The following ABHD16A variants were observed in gnomAD, a reference collection of about 807,000 sequenced individuals.
ABHD16A encodes the protein abhydrolase domain containing 16A, phospholipase.
Under a neutral mutation model 89.8 loss-of-function variants are expected in ABHD16A, and 47 were observed. That is an observed-to-expected ratio of 0.52 (90% CI 0.41 to 0.67). The LOEUF is 0.67. ABHD16A is among the 30% of genes least tolerant of loss of function. ABHD16A has a pLI of 0.00. For missense variants in ABHD16A, 580 were observed against 734.6 expected (o/e 0.79, Z 2.43); for synonymous variants, 251 against 280.4 (o/e 0.90, Z 1.05).
chr6:31,691,471 T>C (rs1245572129), intron 9 of ABHD16A, 108 bp downstream of exon 9: 1 of 925,522 alleles, frequency 1.1e-6, no homozygotes, highest in African/African-American at 1.6e-5. Context: ...GACATGAGAT[T>C]ATCCCCAGTA....
chr6:31,690,029 G>A lies in ABHD16A; in HGVS notation c.957+49C>T. On this transcript the variant is annotated intron_variant, in intron 11 of 19. Transcript: ENST00000395952. The surrounding 1 kb of genome is among the most constrained non-coding windows in gnomAD (Gnocchi z 4.1). The stretch of plus-strand genomic sequence containing the variant: ...CCTCCCTCCAATGGCTGACCAGAGG[G>A]AAACAGACATAATTCAGGAAAAGGA... 3.9e-6 allele frequency: 6 copies of A among 1,534,580 alleles called. No homozygotes were observed. The highest frequency in any genetic ancestry group is 5.3e-6 in the Non-Finnish European group (6 of 1,138,312).
At position 31,703,305 on chromosome 6, in the gene ABHD16A, TTCC is replaced by T; in HGVS notation, c.-27_-25del. 7.5e-7 allele frequency: 1 copy of T among 1,338,592 alleles called. No individual in the cohort carries two copies. Among genetic ancestry groups the T allele is most frequent in the East Asian group, 2.8e-5 (1 of 35,514 alleles). The allele number at this position is 1,338,592 out of a possible 1,614,324, so 82.9% of individuals were successfully genotyped here. A position where few individuals can be genotyped will look rare whatever the true frequency, so the allele number is the denominator to read the frequency against. ...ATGGCCCCGGCTCGGGCCGCTGCTC[TTCC>T]AGCAGCAGGTCCCCCTGCCGGCCCC... On this transcript the variant is annotated 5_prime_UTR_variant, in exon 1 of 20. Coordinates refer to ENST00000395952, the MANE Select transcript of ABHD16A (RefSeq NM_021160.3).
chr6:31,687,575 C>A lies in ABHD16A; in HGVS notation c.1547-31G>T. 1 of 1,613,066 alleles carries A rather than the reference C, an allele frequency of 6.2e-7. No homozygotes were observed. Among genetic ancestry groups the A allele is most frequent in the Non-Finnish European group, 8.5e-7 (1 of 1,180,016 alleles). On this transcript the variant is annotated intron_variant, in intron 18 of 19. Coordinates refer to ENST00000395952, the MANE Select transcript of ABHD16A (RefSeq NM_021160.3). The surrounding 1 kb of genome is among the most constrained non-coding windows in gnomAD (Gnocchi z 6.3). ...GAGAGGAGGCGCTCAAAATAGGCCA[C>A]ACATCTGGGTATTCATCCCCTTCCT...
rs762533411 is a variant in ABHD16A at position 31,701,030 on chromosome 6, T to C, written c.257-2A>G. ...CCACTTTGGACAAACTCAAGTAACCTGGGAAGGGAGAGGGACAATGTGAGA... is the reference window on the plus strand; with the variant it reads ...CCACTTTGGACAAACTCAAGTAACCCGGGAAGGGAGAGGGACAATGTGAGA... On this transcript the variant is annotated splice_acceptor_variant, in intron 3 of 19. Coordinates refer to ENST00000395952, the MANE Select transcript of ABHD16A (RefSeq NM_021160.3). LOFTEE classifies it high-confidence loss of function. 1 of 1,611,930 alleles carries C rather than the reference T, an allele frequency of 6.2e-7. No homozygotes were observed. Among genetic ancestry groups the C allele is most frequent in the Non-Finnish European group, 8.5e-7 (1 of 1,178,184 alleles).
Position 31,688,122 on chromosome 6 carries a change from T to C in ABHD16A, c.1308-19A>G. Reference sequence around the variant, plus strand: ...AGGAACCCTGGGGGTGAGAAGAATGTACCCTGGAGGGGCTGGAGGTTAGGA... The same window carrying C: ...AGGAACCCTGGGGGTGAGAAGAATGCACCCTGGAGGGGCTGGAGGTTAGGA... On this transcript the variant is annotated intron_variant, in intron 15 of 19. Transcript: ENST00000395952. This position sits in a 1 kb window ranked among gnomAD's most constrained non-coding sequence, Gnocchi z 4.9. The C allele has an allele frequency of 6.2e-7, 1 of 1,609,296 alleles. No individual in the cohort carries two copies. Among genetic ancestry groups the C allele is most frequent in the Non-Finnish European group, 8.5e-7 (1 of 1,176,878 alleles).
At chr6:31,697,057 A>G (rs759291448) in intron 4 of ABHD16A, 24 bp from the exon 5 acceptor site, 1 of 1,599,036 alleles carries the variant, frequency 6.3e-7, no homozygotes, top group Non-Finnish European at 8.6e-7. Flanking sequence ...GACAGGAAAC[A>G]GTGCTAGGAA....
Position 31,688,583 on chromosome 6 carries a change from G to T in ABHD16A, c.1250+140C>A. 1 of 1,041,738 alleles carries T rather than the reference G, an allele frequency of 9.6e-7. No individual in the cohort carries two copies. The allele number at this position is 1,041,738 out of a possible 1,614,324, so 64.5% of individuals were successfully genotyped here. ...GGACCTGGGAGGGGTTAGGCCAGTT[G>T]AGGTGGTGGCAGGGTCACTCAGGAT... On this transcript the variant is annotated intron_variant, in intron 14 of 19. Transcript: ENST00000395952. The surrounding 1 kb of genome is among the most constrained non-coding windows in gnomAD (Gnocchi z 4.9).
At chr6:31,689,214 C>T (rs969232376) in intron 12 of ABHD16A, 95 bp from the exon 13 acceptor site, 3 of 1,107,420 alleles carry the variant, frequency 2.7e-6, no homozygotes, top group Non-Finnish European at 3.9e-6. Flanking sequence ...TAGGCCAACC[C>T]CATTCCCCCT....
At chr6:31,696,854 C>T in intron 5 of ABHD16A, 94 bp downstream of exon 5, 1 of 1,261,270 alleles carries the variant, frequency 7.9e-7, no homozygotes, top group Non-Finnish European at 1.2e-6. Context: ...AACACACCTC[C>T]TCTTCCTGCA....
Position 31,687,370 on chromosome 6 carries a change from C to A in ABHD16A, c.1594-75G>T. ...GCAGCCACTGGACTCCCTCCCCACC[C>A]TCCACTTCCGCATCCACCACCCACT... On this transcript the variant is annotated intron_variant, in intron 19 of 19. Coordinates refer to ENST00000395952, the MANE Select transcript of ABHD16A (RefSeq NM_021160.3). This position sits in a 1 kb window ranked among gnomAD's most constrained non-coding sequence, Gnocchi z 6.3. The A allele has an allele frequency of 6.3e-7, 1 of 1,595,858 alleles. No individual in the cohort carries two copies. The highest frequency in any genetic ancestry group is 8.6e-7 in the Non-Finnish European group (1 of 1,164,960).
rs1803467937 is a variant in ABHD16A at position 31,687,985 on chromosome 6, G to T, written c.1370+56C>A. The stretch of plus-strand genomic sequence containing the variant: ...CCTTCCTCCCTCCTTCCCTGTGCTG[G>T]TATCAGTATCTGTGTGTGTACACTG... On this transcript the variant is annotated intron_variant, in intron 16 of 19. Transcript: ENST00000395952. This position sits in a 1 kb window ranked among gnomAD's most constrained non-coding sequence, Gnocchi z 6.3. The T allele has an allele frequency of 8.7e-6, 14 of 1,612,044 alleles. No homozygotes were observed. The highest frequency in any genetic ancestry group is 1.3e-5 in the African/African-American group (1 of 74,996).
Position 31,697,037 on chromosome 6 carries a change from G to A in ABHD16A, c.344-4C>T, listed in dbSNP as rs377176759. 123 of 1,611,768 alleles carry A rather than the reference G, an allele frequency of 7.6e-5. No homozygotes were observed. The highest frequency in any genetic ancestry group is 9.2e-5 in the Non-Finnish European group (109 of 1,178,998). The stretch of plus-strand genomic sequence containing the variant: ...GGGTTGGTCCAGCGGCCAATGCCTG[G>A]TAGAAAAAGGACAGGAAACAGTGCT... On this transcript the variant is annotated splice_polypyrimidine_tract_variant and splice_region_variant and intron_variant, in intron 4 of 19. Coordinates refer to ENST00000395952, the MANE Select transcript of ABHD16A (RefSeq NM_021160.3).
chr6:31,691,777 G>A, intron 8 of ABHD16A, 27 bp downstream of exon 8: 1 of 1,595,870 alleles, frequency 6.3e-7, no homozygotes, highest in South Asian at 1.1e-5. Flanking sequence ...GAGGGCTTTA[G>A]GGGATGTGCG....
chr6:31,702,511 T>C, intron 1 of ABHD16A: 2 of 1,104,056 alleles, frequency 1.8e-6, no homozygotes, highest in Non-Finnish European at 2.5e-6. Flanking sequence ...ATAAGAGTAG[T>C]TGACTAAGAA....
rs201684943 is a variant in ABHD16A, at chr6:31,693,091, G to T, written c.562C>A (p.Leu188Met). Residue 188 changes from leucine to methionine, a missense_variant, in exon 7 of 20, where the codon CTG (leucine) becomes ATG (methionine). Leu to Met is a conservative substitution (Grantham distance 15). Around this residue, in one of 2 missense-constraint regions of ABHD16A, gnomAD observed 415 missense variants for 568.8 expected, o/e 0.73. Transcript: ENST00000395952. The surrounding 1 kb of genome is among the most constrained non-coding windows in gnomAD (Gnocchi z 5.0). ...RGVALLRPEP[L>M]HRGTADTLLN... ...AGGGTGTCTGCTGTCCCCCGGTGCA[G>T]GGGCTCTGGGCGAAGCAGGGCCACA... The T allele has an allele frequency of 5.0e-6, 8 of 1,614,068 alleles. No individual in the cohort carries two copies. The highest frequency in any genetic ancestry group is 5.1e-6 in the Non-Finnish European group (6 of 1,180,042).
Position 31,688,577 on chromosome 6 carries a change from C to T in ABHD16A, c.1250+146G>A, listed in dbSNP as rs1803532456. 9.9e-7 allele frequency: 1 copy of T among 1,014,000 alleles called. No homozygotes were observed. Among genetic ancestry groups the T allele is most frequent in the Non-Finnish European group, 1.5e-6 (1 of 687,148 alleles). The allele number at this position is 1,014,000 out of a possible 1,614,324, so 62.8% of individuals were successfully genotyped here. On this transcript the variant is annotated intron_variant, in intron 14 of 19. Transcript: ENST00000395952. This position sits in a 1 kb window ranked among gnomAD's most constrained non-coding sequence, Gnocchi z 4.9. ...CCCAGGGGACCTGGGAGGGGTTAGG[C>T]CAGTTGAGGTGGTGGCAGGGTCACT...
chr6:31,702,839 G>T, intron 1 of ABHD16A: 2 of 1,391,288 alleles, frequency 1.4e-6, no homozygotes, highest in Non-Finnish European at 1.9e-6. Context: ...TCCGCGCAGG[G>T]TCTCTTCCCG....
chr6:31,701,671 T>C (rs1805020143), intron 2 of ABHD16A, among the ~76,000 whole-genome samples: 1 of 152,184 alleles, frequency 6.6e-6, no homozygotes, highest in Non-Finnish European at 1.5e-5. Context: ...CAATTGGCCC[T>C]GCTCAGGACA....
rs756214311 is a variant in ABHD16A, at chr6:31,688,329, A to AG, written c.1251-25dup. 2.0e-5 allele frequency: 32 copies of AG among 1,612,324 alleles called. 1 individual carries two copies. In the Admixed American group the frequency reaches 5.3e-4, roughly 27 times the overall value. On this transcript the variant is annotated intron_variant, in intron 14 of 19. Coordinates refer to ENST00000395952, the MANE Select transcript of ABHD16A (RefSeq NM_021160.3). The surrounding 1 kb of genome is among the most constrained non-coding windows in gnomAD (Gnocchi z 4.9). ...ATCTTCAGAGAACAGAGCAGTGGGA[A>AG]GGGAGAGCTCAGAGGGAGACGGGTG...
Sources: gnomAD v4.1 joint callset for allele counts (sites outside exome capture counted in the v4.1 genomes callset) on GRCh38, gnomAD v4.1.1 for gene constraint, gnomAD v4.1.1 regional missense constraint, Gnocchi (gnomAD v3.1) non-coding constraint, MANE v1.5 for transcripts, NCBI Gene and HGNC (gene_info 2026-07-23, HGNC 2026-07-21) for gene names.